Variants in OVCH2 observed in about 807,000 individuals in gnomAD.
OVCH2 encodes the protein ovochymase 2, also known as ovochymase-2.
In OVCH2, 88 loss-of-function variants were observed where a neutral mutation model predicts 73.7. The observed-to-expected ratio is 1.19, with a 90% CI of 1.01 to 1.43. The LOEUF is 1.43. Among genes scored for constraint, OVCH2 ranks in the 40% most tolerant of loss-of-function variants. The pLI is 0.00. For synonymous variants in OVCH2, 265 were observed against 234.5 expected (o/e 1.13, Z -1.19); for missense variants, 706 against 674.5 (o/e 1.05, Z -0.52).
rs577914318 is a variant in OVCH2, at chr11:7,698,927, T to C, written c.902-154A>G. 4.5e-5 allele frequency: 32 copies of C among 705,826 alleles called. 1 individual carries two copies. The highest frequency in any genetic ancestry group is 7.4e-5 in the Non-Finnish European group (32 of 431,634). 43.7% of individuals were successfully genotyped at this position (705,826 alleles called of 1,614,324 possible). A position where few individuals can be genotyped will look rare whatever the true frequency, so the allele number is the denominator to read the frequency against. ...GGAAAGAAGGGAAGGGATAAATGGA[T>C]AAAGTAGGAAAGGGCCTCTGGTGTT... On this transcript the variant is annotated intron_variant, in intron 7 of 15. Transcript: ENST00000533663.
chr11:7,695,293 T>G (rs950756604), intron 11 of OVCH2, 105 bp from the exon 12 acceptor site: 1 of 1,318,812 alleles, frequency 7.6e-7, no homozygotes, highest in Non-Finnish European at 1.0e-6. Flanking sequence ...CAATTGCATT[T>G]TCAGACACTG....
downstream of OVCH2, among the ~76,000 whole-genome samples, chr11:7,688,039 C>T (rs1382766381): frequency 6.6e-6 from 1 of 152,162 alleles, no homozygotes; most frequent in African/African-American, 2.4e-5. Flanking sequence ...AGCTTCAACA[C>T]ATGAATTTGG....
chr11:7,681,853 C>CAAAAAAAAAAA, the OVCH2 span, among the ~76,000 whole-genome samples: 1 of 93,006 alleles, frequency 1.1e-5, no homozygotes, highest in Non-Finnish European at 2.3e-5. Flanking sequence ...GGGAAATGTC[C>CAAAAAAAAAAA]AAAAAAAAAA....
the OVCH2 span, among the ~76,000 whole-genome samples, chr11:7,679,477 C>T: frequency 6.6e-6 from 1 of 152,062 alleles, no homozygotes; most frequent in Admixed American, 6.5e-5. Context: ...GGGCAGTTTC[C>T]CCATGCTGTT....
chr11:7,701,660 T>C (rs997450720), intron 5 of OVCH2, 56 bp downstream of exon 5: 2 of 1,537,466 alleles, frequency 1.3e-6, no homozygotes, highest in African/African-American at 1.4e-5. Context: ...CATTTTCTGA[T>C]TGCCCACCAG....
intron 1 of OVCH2, chr11:7,705,343 G>A (rs1856512108): frequency 2.6e-5 from 4 of 152,162 alleles, no homozygotes; most frequent in Admixed American, 1.3e-4. Context: ...CTCTATCATC[G>A]GACTATGAAC....
chr11:7,696,838 CA>C, intron 8 of OVCH2, 39 bp from the exon 9 acceptor site: 1 of 1,554,174 alleles, frequency 6.4e-7, no homozygotes, highest in Middle Eastern at 1.9e-4. Context: ...TTAGTTATGC[CA>C]GTTAACCACA....
chr11:7,703,839 C>T (rs1856487853), intron 2 of OVCH2, 50 bp from the exon 3 acceptor site: 3 of 1,432,464 alleles, frequency 2.1e-6, no homozygotes, highest in South Asian at 2.4e-5. Context: ...CTGGGATCCC[C>T]CTAAACACGG....
chr11:7,689,628 T>G (rs74965808), intron 15 of OVCH2, 26 bp from the exon 16 acceptor site: 13,003 of 494,554 alleles, frequency 0.026, 314 homozygotes, highest in Middle Eastern at 0.062. Context: ...TGCCCCAACC[T>G]CTGCCTTCAT....
At chr11:7,689,340 T>C (rs1440938029), downstream of OVCH2, 1 of 211,032 alleles carries the variant, frequency 4.7e-6, no homozygotes, top group Non-Finnish European at 9.6e-6. Flanking sequence ...GCACCTGGCC[T>C]GTAGATTTAC....
At chr11:7,688,610 C>A (rs117915906), downstream of OVCH2, among the ~76,000 whole-genome samples, 6,812 of 152,142 alleles carry the variant, frequency 0.045, 196 homozygotes, top group Middle Eastern at 0.061. Context: ...TATTCTGTGT[C>A]CTATGTGTCC....
At chr11:7,684,993 A>C (rs1856127157), downstream of OVCH2, among the ~76,000 whole-genome samples, 1 of 152,204 alleles carries the variant, frequency 6.6e-6, no homozygotes, top group Admixed American at 6.5e-5. Flanking sequence ...AAAACTGAAA[A>C]AATAGTTTCA....
chr11:7,698,849 T>G, intron 7 of OVCH2, 76 bp from the exon 8 acceptor site: 1 of 1,490,002 alleles, frequency 6.7e-7, no homozygotes, highest in African/African-American at 1.4e-5. Context: ...AGCATCTTCT[T>G]GGCGCACAAG....
rs772242936 is a variant in OVCH2, at chr11:7,696,763, G to A, written c.962C>T (p.Ala321Val). The change falls in exon 9 of 16, where the codon GCT becomes GTT. Residue 321 changes from alanine to valine, a missense_variant. Transcript: ENST00000533663. ...TTCTGGGAAGTGCAGCTTCCCCTCAGCCCCGCTGACTATGACATCCTGCTC... is the reference window on the plus strand; with the variant it reads ...TTCTGGGAAGTGCAGCTTCCCCTCAACCCCGCTGACTATGACATCCTGCTC... The part of the protein sequence containing the change: ...CSEQDVIVSG[A>V]EGKLHFPESL... The A allele has an allele frequency of 9.3e-5, 150 of 1,611,790 alleles. 3 individuals are homozygous for A. The South Asian group carries it at 1.4e-3, about 15-fold the overall frequency.
At chr11:7,701,275 C>T (rs1182351014) in intron 6 of OVCH2, 49 bp downstream of exon 6, 2 of 1,550,472 alleles carry the variant, frequency 1.3e-6, no homozygotes, top group South Asian at 1.2e-5. Flanking sequence ...GAAAACAAAA[C>T]CAAGGGAATC....
intron 4 of OVCH2, among the ~76,000 whole-genome samples, 158 bp from the exon 5 acceptor site, chr11:7,701,969 CCTT>C (rs779743998): frequency 6.6e-6 from 1 of 152,192 alleles, no homozygotes; most frequent in Non-Finnish European, 1.5e-5. Context: ...TTAAAGAAAA[CCTT>C]CTCCTGACTC....
the OVCH2 span, among the ~76,000 whole-genome samples, chr11:7,682,053 G>C: frequency 6.6e-6 from 1 of 152,104 alleles, no homozygotes; most frequent in Non-Finnish European, 1.5e-5. Flanking sequence ...AGTGAAAATA[G>C]AGCAAATTGG....
In OVCH2 at chr11:7,695,079, G is replaced by A. The variant is rs1489636770; in HGVS notation, c.1392C>T (p.Ala464=). 1 of 1,551,072 alleles carries A rather than the reference G, an allele frequency of 6.4e-7. No individual in the cohort carries two copies. Among genetic ancestry groups the A allele is most frequent in the Non-Finnish European group, 8.7e-7 (1 of 1,146,910 alleles). ...DKANCDWIFQ[A]SKHHLIKLSF... ...ATACCTTAATTAGGTGATGTTTGGA[G>A]GCTTGAAAAATCCAGTCACAGTTAG... is the stretch of plus-strand genomic sequence containing the variant. The change falls in exon 12 of 16, where the codon GCC becomes GCT. Residue 464 remains alanine, a synonymous_variant. Transcript: ENST00000533663.
intron 10 of OVCH2, 47 bp from the exon 11 acceptor site, chr11:7,695,757 G>T: frequency 6.4e-7 from 1 of 1,562,748 alleles, no homozygotes; most frequent in Non-Finnish European, 8.7e-7. Flanking sequence ...CTAGAAAATA[G>T]TTCCCATTCA....
Sources: gnomAD v4.1 joint callset for allele counts (sites outside exome capture counted in the v4.1 genomes callset) on GRCh38, gnomAD v4.1.1 for gene constraint, MANE v1.5 for transcripts, NCBI Gene and HGNC (gene_info 2026-07-23, HGNC 2026-07-21) for gene names.